Variants in LAMC3 observed in about 807,000 individuals in gnomAD.
The protein encoded by LAMC3 is laminin subunit gamma-3.
A neutral mutation model predicts 173.8 loss-of-function variants in LAMC3; 128 were observed. The observed-to-expected ratio is 0.74, with a 90% CI of 0.64 to 0.85. The LOEUF (loss-of-function observed/expected upper bound fraction) is 0.85. LAMC3 is among the 40% of genes least tolerant of loss of function. LAMC3 has a pLI of 0.00. For synonymous variants in LAMC3, 897 were observed against 909.1 expected, an observed-to-expected ratio of 0.99 and a Z score of 0.24; for missense variants, 2,022 against 2,156.0, an observed-to-expected ratio of 0.94 and a Z score of 1.23.
At chr9:131,054,773 G>A (rs1213651527) in intron 11 of LAMC3, among the ~76,000 whole-genome samples, 1 of 148,546 alleles carries the variant, frequency 6.7e-6, no homozygotes, top group Non-Finnish European at 1.5e-5. Flanking sequence ...AAAGAGAGAG[G>A]GGAAGGGAGG....
Position 131,071,609 on chromosome 9 carries a change from C to T in LAMC3, c.3195C>T (p.Gly1065=). 2 of 1,590,600 alleles carry T rather than the reference C, an allele frequency of 1.3e-6. No individual in the cohort carries two copies. The highest frequency in any genetic ancestry group is 1.3e-5 in the African/African-American group (1 of 74,766). ...GEAPRGDVYQ[G]HHLLPGAREA... is the part of the protein sequence containing the mutation. ...CCCCAAGGGGGGACGTCTACCAGGG[C>T]CATCACCTGCTTCCAGGTACAGCAG... The change falls in exon 18 of 28, where the codon GGC becomes GGT. Residue 1065 remains glycine, a synonymous_variant. Coordinates refer to ENST00000361069, the MANE Select transcript of LAMC3 (RefSeq NM_006059.4).
intron 3 of LAMC3, among the ~76,000 whole-genome samples, chr9:131,032,951 A>G (rs2133239578): frequency 6.6e-6 from 1 of 152,340 alleles, no homozygotes; most frequent in Admixed American, 6.5e-5. Flanking sequence ...TACAGGCATG[A>G]GCCACGGCCC....
rs1195853230 is a variant in LAMC3, at chr9:131,009,356, G to A, written c.142G>A (p.Ala48Thr). 6.6e-7 allele frequency: 1 copy of A among 1,507,854 alleles called. No homozygotes were observed. The highest frequency in any genetic ancestry group is 2.7e-5 in the East Asian group (1 of 36,676). The allele number at this position is 1,507,854 out of a possible 1,614,324, so 93.4% of individuals were successfully genotyped here. A position where few individuals can be genotyped will look rare whatever the true frequency, so the allele number is the denominator to read the frequency against. ...VFENAAFGRL[A>T]QASHTCGSPP... ...CGAGAACGCGGCGTTTGGGCGGCTC[G>A]CCCAGGCCTCGCACACGTGCGGCAG... The change falls in exon 1 of 28, where the codon GCC (alanine) becomes ACC (threonine). Residue 48 changes from alanine to threonine, a missense_variant. Transcript: ENST00000361069. This position sits in a 1 kb window ranked among gnomAD's most constrained non-coding sequence, Gnocchi z 4.3.
chr9:131,071,761 C>A, intron 18 of LAMC3, 136 bp downstream of exon 18: 1 of 821,812 alleles, frequency 1.2e-6, no homozygotes, highest in Non-Finnish European at 1.8e-6. Flanking sequence ...CCTAGCCCAC[C>A]TGTAACTTTA....
intron 1 of LAMC3, among the ~76,000 whole-genome samples, chr9:131,019,102 A>C (rs1386190581): frequency 6.6e-6 from 1 of 152,170 alleles, no homozygotes; most frequent in Non-Finnish European, 1.5e-5. Context: ...ATCTCTACAG[A>C]AATACAAAAA....
intron 1 of LAMC3, among the ~76,000 whole-genome samples, chr9:131,021,656 G>C (rs1340608924): frequency 1.3e-5 from 2 of 152,160 alleles, no homozygotes; most frequent in African/African-American, 2.4e-5. Context: ...GTCAGAGATA[G>C]CATCCGGTCC....
chr9:131,042,057 T>C (rs1834066330), intron 7 of LAMC3, among the ~76,000 whole-genome samples: 1 of 152,140 alleles, frequency 6.6e-6, no homozygotes, highest in Admixed American at 6.5e-5. Flanking sequence ...AGTAAATAGA[T>C]GGTGCTCGTA....
chr9:131,087,384 A>G, intron 25 of LAMC3, 92 bp from the exon 26 acceptor site: 3 of 1,473,334 alleles, frequency 2.0e-6, no homozygotes, highest in South Asian at 2.3e-5. Context: ...GGTACAGACA[A>G]CTGCTTGGCA....
rs776536505 is a variant in LAMC3 at position 131,061,234 on chromosome 9, C to T, written c.2347+11C>T. The T allele has an allele frequency of 6.3e-7, 1 of 1,599,340 alleles. No homozygotes were observed. Among genetic ancestry groups the T allele is most frequent in the East Asian group, 2.2e-5 (1 of 44,776 alleles). ...CCCCGGGCCAGAGAGGTAAGTGACT[C>T]CTGCCCCGGAGCCCTGCCCCGCAGA... On this transcript the variant is annotated intron_variant, in intron 13 of 27. Transcript: ENST00000361069.
intron 25 of LAMC3, among the ~76,000 whole-genome samples, chr9:131,086,925 A>C (rs979538676): frequency 6.6e-6 from 1 of 151,128 alleles, no homozygotes; most frequent in East Asian, 2.0e-4. Flanking sequence ...GGGTCTCACT[A>C]TGTTGCCCAG....
intron 4 of LAMC3, among the ~76,000 whole-genome samples, chr9:131,037,075 G>A (rs1833959985): frequency 6.6e-6 from 1 of 152,226 alleles, no homozygotes; most frequent in African/African-American, 2.4e-5. Flanking sequence ...ACTGGGGCTG[G>A]GCCGGGGGCG....
In LAMC3 at chr9:131,053,092, A is replaced by G. The variant is rs142850347; in HGVS notation, c.1939+127A>G. On this transcript the variant is annotated intron_variant, in intron 11 of 27. Transcript: ENST00000361069. Reference sequence around the variant, plus strand: ...GTGGTTATTGTCCTGTTTTGCCAAGAAGGAACCTTAGTCAAAAGTCAGGAC... The same window carrying G: ...GTGGTTATTGTCCTGTTTTGCCAAGGAGGAACCTTAGTCAAAAGTCAGGAC... 6.4e-3 allele frequency: 4,941 copies of G among 770,726 alleles called. 32 individuals carry two copies. The highest frequency in any genetic ancestry group is 8.8e-3 in the Non-Finnish European group (3,964 of 448,152). 47.7% of individuals were successfully genotyped at this position (770,726 alleles called of 1,614,324 possible).
chr9:131,070,151 T>A (rs920872629), intron 17 of LAMC3, among the ~76,000 whole-genome samples: 1 of 152,234 alleles, frequency 6.6e-6, no homozygotes, highest in Non-Finnish European at 1.5e-5. Flanking sequence ...AGACCACAGA[T>A]GACCCCTTGG....
rs145960571 is a variant in LAMC3 at position 131,079,271 on chromosome 9, G to A, written c.3900G>A (p.Thr1300=). The part of the protein sequence containing the change: ...ARTLQTAAQA[T]LRQTEPLTKL... ...CCCTCCAGACTGCTGCCCAGGCGAC[G>A]CTACGGCAAACAGAACCCCTCACAA... The change falls in exon 23 of 28, where the codon ACG becomes ACA. Residue 1300 remains threonine, a synonymous_variant. Transcript: ENST00000361069. 81 of 1,614,186 alleles carry A rather than the reference G, an allele frequency of 5.0e-5. No individual in the cohort carries two copies. The African/African-American group carries it at 6.7e-4, about 13-fold the overall frequency.
At chr9:131,011,129 A>G (rs745623651) in intron 1 of LAMC3, among the ~76,000 whole-genome samples, 2 of 152,232 alleles carry the variant, frequency 1.3e-5, no homozygotes, top group African/African-American at 2.4e-5. Flanking sequence ...TCGCTTTGCT[A>G]CTGAAATCTC....
chr9:131,036,392 A>G, intron 4 of LAMC3, 60 bp downstream of exon 4: 1 of 1,597,280 alleles, frequency 6.3e-7, no homozygotes, highest in Admixed American at 1.7e-5. Context: ...AGGCGGGGAA[A>G]GGAACTCCCC....
At chr9:131,061,646 G>T (rs1450219814) in intron 13 of LAMC3, among the ~76,000 whole-genome samples, 3 of 152,096 alleles carry the variant, frequency 2.0e-5, no homozygotes, top group Admixed American at 6.6e-5. Context: ...TTGTTCCCAG[G>T]CTCCTTGTAT....
chr9:131,066,929 T>A (rs1307853542), intron 13 of LAMC3, 31 bp from the exon 14 acceptor site: 2 of 1,611,746 alleles, frequency 1.2e-6, no homozygotes, highest in Non-Finnish European at 1.7e-6. Context: ...CAGCCAGCTG[T>A]GTTCCCCACA....
chr9:131,089,427 G>A (rs1830385419), intron 27 of LAMC3, among the ~76,000 whole-genome samples: 1 of 151,968 alleles, frequency 6.6e-6, no homozygotes, highest in African/African-American at 2.4e-5. Context: ...ACCCAGGCTG[G>A]AGTGCAGTGG....
Sources: gnomAD v4.1 joint callset for allele counts (sites outside exome capture counted in the v4.1 genomes callset) on GRCh38, gnomAD v4.1.1 for gene constraint, Gnocchi (gnomAD v3.1) non-coding constraint, MANE v1.5 for transcripts, NCBI Gene and HGNC (gene_info 2026-07-23, HGNC 2026-07-21) for gene names.